The following RALGPS2 variants were observed in gnomAD, a reference collection of about 807,000 sequenced individuals.
RALGPS2 encodes ras-specific guanine nucleotide-releasing factor RalGPS2.
In RALGPS2, 43 loss-of-function variants were observed where a neutral mutation model predicts 86.8. That is an observed-to-expected ratio of 0.50 (90% confidence interval 0.39 to 0.64). The LOEUF (loss-of-function observed/expected upper bound fraction) is 0.64, where lower values mean the gene tolerates loss of function less well. Ranked by LOEUF, RALGPS2 falls within the 30% of genes least tolerant of loss-of-function variation. The probability of loss-of-function intolerance (pLI) is 0.00; values close to 1 mark genes in which losing one functional copy is unlikely to be tolerated. For missense variants in RALGPS2, 536 were observed against 694.6 expected (o/e 0.77, Z 2.57); for synonymous variants, 243 against 231.3 (o/e 1.05, Z -0.46).
At chr1:178,911,490 AGTT>A (rs1660621976) in intron 19 of RALGPS2, among the ~76,000 whole-genome samples, 1 of 152,122 alleles carries the variant, frequency 6.6e-6, no homozygotes. Context: ...TTTGGAAGAA[AGTT>A]GTTTAAGTTC....
intron 1 of RALGPS2, chr1:178,746,960 C>A (rs1199967092): frequency 5.0e-6 from 5 of 1,001,680 alleles, no homozygotes; most frequent in African/African-American, 1.6e-5. Context: ...AGGAGGTAGT[C>A]TTCCTTAGAA....
chr1:178,750,171 C>T (rs4651005), intron 1 of RALGPS2, among the ~76,000 whole-genome samples: 35,892 of 151,984 alleles, frequency 0.24, 4,985 homozygotes, highest in Non-Finnish European at 0.32. Flanking sequence ...TTGTTCTAGG[C>T]GAGAGGTTGG....
chr1:178,852,990 G>C (rs765449284), intron 8 of RALGPS2: 6 of 1,561,112 alleles, frequency 3.8e-6, no homozygotes, highest in Non-Finnish European at 5.2e-6. Flanking sequence ...GCATAAATAA[G>C]TATAGAGATA....
intron 1 of RALGPS2, among the ~76,000 whole-genome samples, chr1:178,728,595 A>G (rs971834963): frequency 6.6e-6 from 1 of 152,104 alleles, no homozygotes; most frequent in African/African-American, 2.4e-5. Flanking sequence ...TTAATTTTCA[A>G]TGAAAGATAA....
At chr1:178,814,590 C>T (rs1655140341) in intron 6 of RALGPS2, among the ~76,000 whole-genome samples, 1 of 152,156 alleles carries the variant, frequency 6.6e-6, no homozygotes, top group East Asian at 1.9e-4. Flanking sequence ...CATATGCCAC[C>T]ACCTGTGGCT....
chr1:178,873,202 A>G lies in RALGPS2; in HGVS notation c.608-4296A>G, dbSNP rs1374865608. Among the ~76,000 whole-genome samples the G allele has an allele frequency of 2.0e-5, 3 of 152,218 alleles. No homozygotes were observed. In the East Asian group the frequency reaches 5.8e-4, roughly 29 times the overall value. On this transcript the variant is annotated intron_variant, in intron 8 of 19. Coordinates refer to ENST00000367635, the MANE Select transcript of RALGPS2 (RefSeq NM_152663.5). ...ATGCCATTGCCAAAATAAGTGATAC[A>G]TACAGATTTCAGATTATTTAGTGTG...
intron 8 of RALGPS2, among the ~76,000 whole-genome samples, chr1:178,860,750 C>T (rs549299194): frequency 2.6e-5 from 4 of 152,216 alleles, no homozygotes; most frequent in Admixed American, 6.5e-5. Flanking sequence ...TGTATATTTT[C>T]ACCTTATGCA....
chr1:178,747,345 C>T, intron 1 of RALGPS2: 3 of 1,537,352 alleles, frequency 2.0e-6, no homozygotes, highest in Non-Finnish European at 2.7e-6. Flanking sequence ...GTTCTGGTTT[C>T]ACCACTATTG....
At chr1:178,804,051 C>G (rs1654611245) in intron 4 of RALGPS2, among the ~76,000 whole-genome samples, 1 of 150,654 alleles carries the variant, frequency 6.6e-6, no homozygotes. Flanking sequence ...CTCAATCTTC[C>G]CCTGACTCAA....
intron 9 of RALGPS2, 53 bp from the exon 10 acceptor site, chr1:178,878,849 A>T: frequency 6.3e-7 from 1 of 1,582,538 alleles, no homozygotes; most frequent in Non-Finnish European, 8.6e-7. Flanking sequence ...TAATTTTTAA[A>T]GTTCTGGTTA....
chr1:178,766,562 A>G (rs1652518111), intron 1 of RALGPS2, among the ~76,000 whole-genome samples: 3 of 152,050 alleles, frequency 2.0e-5, no homozygotes, highest in Non-Finnish European at 4.4e-5. Flanking sequence ...GAACTAACCA[A>G]TACATAGGCC....
chr1:178,834,609 G>T (rs889535131), intron 8 of RALGPS2, among the ~76,000 whole-genome samples: 16 of 152,178 alleles, frequency 1.1e-4, no homozygotes, highest in African/African-American at 3.9e-4. Flanking sequence ...AAGCACAGTA[G>T]AGTTAGTGGC....
At chr1:178,779,204 G>C (rs1194364295) in intron 2 of RALGPS2, among the ~76,000 whole-genome samples, 1 of 152,142 alleles carries the variant, frequency 6.6e-6, no homozygotes, top group Non-Finnish European at 1.5e-5. Flanking sequence ...TTAAGATGGA[G>C]ATGTGAAGAC....
chr1:178,844,322 C>G (rs991725126), intron 8 of RALGPS2, among the ~76,000 whole-genome samples: 1 of 152,158 alleles, frequency 6.6e-6, no homozygotes, highest in African/African-American at 2.4e-5. Context: ...ATAGTTTTTT[C>G]TCCCCTAAAA....
intron 4 of RALGPS2, among the ~76,000 whole-genome samples, chr1:178,795,378 A>G (rs1026923008): frequency 3.9e-5 from 6 of 152,106 alleles, no homozygotes; most frequent in Non-Finnish European, 7.4e-5. Flanking sequence ...TATGTAATAG[A>G]TAATTCTGAA....
chr1:178,787,356 G>A (rs1653705742), intron 4 of RALGPS2, among the ~76,000 whole-genome samples: 1 of 151,998 alleles, frequency 6.6e-6, no homozygotes, highest in Non-Finnish European at 1.5e-5. Context: ...ACATTATAAG[G>A]TAAAAAGAAA....
intron 1 of RALGPS2, among the ~76,000 whole-genome samples, chr1:178,765,501 A>G (rs1652459766): frequency 1.3e-5 from 2 of 152,154 alleles, no homozygotes. Context: ...CACAAGGCAA[A>G]TGGAGGCAGG....
At chr1:178,755,807 C>T (rs1413481540) in intron 1 of RALGPS2, among the ~76,000 whole-genome samples, 1 of 152,186 alleles carries the variant, frequency 6.6e-6, no homozygotes, top group East Asian at 1.9e-4. Context: ...TCCCCACCAA[C>T]AGTGTGTAAG....
intron 6 of RALGPS2, among the ~76,000 whole-genome samples, chr1:178,812,183 G>A (rs1201069630): frequency 1.3e-5 from 2 of 152,162 alleles, no homozygotes; most frequent in African/African-American, 2.4e-5. Flanking sequence ...TCTTCACTGG[G>A]GAGAGGGGAG....
Sources: allele counts gnomAD v4.1 joint callset (sites outside exome capture counted in the v4.1 genomes callset), GRCh38; gene constraint gnomAD v4.1.1; transcripts MANE v1.5; gene names NCBI Gene and HGNC (gene_info 2026-07-23, HGNC 2026-07-21).